C1S: variants seen among roughly 807,000 people sequenced by gnomAD.
C1S encodes the protein complement C1s subcomponent.
C1S carries 31 observed loss-of-function variants against 54.0 expected under a neutral mutation model. The observed-to-expected ratio is 0.57, with a 90% CI of 0.43 to 0.78. C1S has a LOEUF of 0.78. Among genes scored for constraint, C1S ranks in the 30% least tolerant of loss-of-function variants. The pLI, the probability that C1S is intolerant of heterozygous loss-of-function variation, is 0.00. For missense variants in C1S, 727 were observed against 851.8 expected (o/e 0.85, Z 1.82); for synonymous variants, 292 against 303.6 (o/e 0.96, Z 0.40).
intron 4 of C1S, chr12:7,064,048 C>A (rs782047200): frequency 1.6e-5 from 9 of 566,256 alleles, no homozygotes; most frequent in South Asian, 9.1e-5. Context: ...ACACACACAC[C>A]CCCGAGCTTC....
intron 6 of C1S, chr12:7,065,501 G>A (rs782613132): frequency 1.1e-4 from 73 of 663,430 alleles, no homozygotes; most frequent in South Asian, 9.0e-4. Flanking sequence ...GCCCACAGAC[G>A]TGTGTCATCA....
chr12:7,068,569 G>T, intron 11 of C1S, 39 bp downstream of exon 11: 1 of 1,375,884 alleles, frequency 7.3e-7, no homozygotes, highest in South Asian at 1.2e-5. Context: ...TGATAGCCAT[G>T]GGTGACTGGG....
In C1S at chr12:7,064,402, G is replaced by A. The variant is rs1438648112; in HGVS notation, c.517+10G>A. Reference sequence around the variant, plus strand: ...ATGAAGAATTGCGGAGGTGAGCTTGGTGTTAAGAGGGTTGCATGTTCCCTG... The same window carrying A: ...ATGAAGAATTGCGGAGGTGAGCTTGATGTTAAGAGGGTTGCATGTTCCCTG... On this transcript the variant is annotated intron_variant, in intron 5 of 11. Transcript: ENST00000360817. The A allele has an allele frequency of 1.2e-6, 2 of 1,614,004 alleles. No individual in the cohort carries two copies. The highest frequency in any genetic ancestry group is 1.7e-5 in the Admixed American group (1 of 60,010).
rs1937826945 is a variant in C1S, at chr12:7,070,573, G to A, written c.1989G>A (p.Gly663=). 6.2e-7 allele frequency: 1 copy of A among 1,614,080 alleles called. No homozygotes were observed. The highest frequency in any genetic ancestry group is 1.3e-5 in the African/African-American group (1 of 75,020). The change falls in exon 12 of 12, where the codon GGG becomes GGA. Residue 663 remains glycine, a synonymous_variant. Coordinates refer to ENST00000360817, the MANE Select transcript of C1S (RefSeq NM_001734.5). The surrounding 1 kb of genome is among the most constrained non-coding windows in gnomAD (Gnocchi z 4.9). ...VSWGPQCGTY[G]LYTRVKNYVD... ...GGGGGCCCCAGTGTGGGACCTATGG[G>A]CTCTACACACGGGTAAAGAACTATG...
At chr12:7,066,909 GC>G (rs1205943555) in intron 8 of C1S, 129 bp from the exon 9 acceptor site, 8 of 760,118 alleles carry the variant, frequency 1.1e-5, no homozygotes, top group Non-Finnish European at 1.9e-5. Context: ...CTTTAGGTCT[GC>G]TAAGATGTTC....
chr12:7,070,626 A>G lies in C1S; in HGVS notation c.2042A>G (p.Glu681Gly). The change falls in exon 12 of 12, where the codon GAA (glutamate) becomes GGA (glycine). Residue 681 changes from glutamate to glycine, a missense_variant. Transcript: ENST00000360817. The surrounding 1 kb of genome is among the most constrained non-coding windows in gnomAD (Gnocchi z 4.9). ...YVDWIMKTMQ[E>G]NSTPRED Reference sequence around the variant, plus strand: ...GACTGGATAATGAAGACTATGCAGGAAAATAGCACCCCCCGTGAGGACTAA... The same window carrying G: ...GACTGGATAATGAAGACTATGCAGGGAAATAGCACCCCCCGTGAGGACTAA... 6.2e-7 allele frequency: 1 copy of G among 1,614,046 alleles called. No homozygotes were observed. Among genetic ancestry groups the G allele is most frequent in the Non-Finnish European group, 8.5e-7 (1 of 1,179,990 alleles).
In C1S at chr12:7,064,355, G is replaced by T. The variant is rs782374131; in HGVS notation, c.480G>T (p.Pro160=). ...FIGGYFCSCP[P]EYFLHDDMKN... ...GTGGTTACTTCTGCTCCTGCCCCCC[G>T]GAATATTTCCTCCATGATGACATGA... The change falls in exon 5 of 12, where the codon CCG becomes CCT. Residue 160 remains proline, a synonymous_variant. Transcript: ENST00000360817. 6.2e-7 allele frequency: 1 copy of T among 1,613,782 alleles called. No individual in the cohort carries two copies. Among genetic ancestry groups the T allele is most frequent in the Non-Finnish European group, 8.5e-7 (1 of 1,179,980 alleles).
In C1S at chr12:7,062,936, G is replaced by A; in HGVS notation, c.260G>A (p.Ser87Asn). 6.2e-7 allele frequency: 1 copy of A among 1,614,092 alleles called. No individual in the cohort carries two copies. Among genetic ancestry groups the A allele is most frequent in the Non-Finnish European group, 8.5e-7 (1 of 1,179,992 alleles). Residue 87 changes from serine (S) to asparagine (N), a missense_variant, in exon 4 of 12, where the codon AGC becomes AAC. Physicochemically the swap from Ser to Asn is conservative, Grantham distance 46. Coordinates refer to ENST00000360817, the MANE Select transcript of C1S (RefSeq NM_001734.5). ...GAAGGGAGGCTCTGTGGACAGAGGA[G>A]CAGTAACAATCCCCACTCTCCAATT... is the stretch of plus-strand genomic sequence containing the variant. ...TEEGRLCGQR[S>N]SNNPHSPIVE... is the part of the protein sequence containing the mutation.
In C1S at chr12:7,065,934, C is replaced by CA. The variant is rs781818365; in HGVS notation, c.842dup (p.Trp283LeufsTer14). 3.1e-6 allele frequency: 5 copies of CA among 1,613,364 alleles called. No individual in the cohort carries two copies. The highest frequency in any genetic ancestry group is 3.4e-6 in the Non-Finnish European group (4 of 1,179,688). ...CATCTTCCAAACTGATCTAACAGGG[C>CA]AAAAAAAGGGCTGGAAACTTCGCTA... On this transcript the variant is annotated frameshift_variant, in exon 7 of 12. Transcript: ENST00000360817. LOFTEE classifies it high-confidence loss of function.
rs1317979824 is a variant in C1S, at chr12:7,062,926, G to A, written c.250G>A (p.Gly84Arg). The change falls in exon 4 of 12, where the codon GGA (glycine) becomes AGA (arginine). Residue 84 changes from glycine (G) to arginine (R), a missense_variant. This residue lies in a region of C1S where 357 missense variants were observed against 365.4 expected (regional missense o/e 0.98). Transcript: ENST00000360817. ...SGDTEEGRLCGQRSSNNPHSP... is the reference protein window; with the variant it reads ...SGDTEEGRLCRQRSSNNPHSP... ...AGACACTGAAGAAGGGAGGCTCTGT[G>A]GACAGAGGAGCAGTAACAATCCCCA... is the stretch of plus-strand genomic sequence containing the variant. The A allele has an allele frequency of 1.9e-6, 3 of 1,613,922 alleles. No homozygotes were observed. The highest frequency in any genetic ancestry group is 2.5e-6 in the Non-Finnish European group (3 of 1,179,998).
intron 2 of C1S, 27 bp from the exon 3 acceptor site, chr12:7,062,448 C>T (rs370703760): frequency 3.0e-5 from 48 of 1,589,116 alleles, no homozygotes; most frequent in East Asian, 1.3e-4. Context: ...CCTGGTCACC[C>T]GCCAATCTAT....
rs1222744666 is a variant in C1S at position 7,065,125 on chromosome 12, T to C, written c.543T>C (p.Thr181=). Residue 181 remains threonine (T), a synonymous_variant, in exon 6 of 12, where the codon ACT becomes ACC. Coordinates refer to ENST00000360817, the MANE Select transcript of C1S (RefSeq NM_001734.5). ...TTAATTGCAGTGGGGATGTATTCAC[T>C]GCACTGATTGGGGAGATTGCAAGTC... is the stretch of plus-strand genomic sequence containing the variant. ...CGVNCSGDVF[T]ALIGEIASPN... The C allele has an allele frequency of 6.2e-7, 1 of 1,613,954 alleles. No homozygotes were observed. The highest frequency in any genetic ancestry group is 1.3e-5 in the African/African-American group (1 of 74,912).
intron 1 of C1S, chr12:7,061,605 T>G: frequency 2.1e-6 from 1 of 466,384 alleles, no homozygotes; most frequent in African/African-American, 2.0e-5. Context: ...GGAGAAAAAT[T>G]AGGAGAAAGT....
At chr12:7,068,699 C>T (rs1555162718) in intron 11 of C1S, 169 bp downstream of exon 11, 2 of 619,930 alleles carry the variant, frequency 3.2e-6, no homozygotes, top group Non-Finnish European at 2.9e-6. Context: ...CCGTGGGGAA[C>T]CTCCTCAGCC....
intron 4 of C1S, 60 bp from the exon 5 acceptor site, chr12:7,064,207 A>G: frequency 6.3e-7 from 1 of 1,592,002 alleles, no homozygotes; most frequent in South Asian, 1.1e-5. Flanking sequence ...TTTTGGATTT[A>G]ACCTCATTCT....
chr12:7,069,708 ATTGAGATTG>A (rs1278720302), intron 11 of C1S, 138 bp from the exon 12 acceptor site: 8 of 765,246 alleles, frequency 1.0e-5, no homozygotes, highest in Non-Finnish European at 1.8e-5. Context: ...TGGGTCAGGT[ATTGAGATTG>A]TTGACCAAAT....
At chr12:7,068,830 G>C (rs1555162756) in intron 11 of C1S, 3 of 426,850 alleles carry the variant, frequency 7.0e-6, no homozygotes, top group Admixed American at 3.5e-5. Context: ...AAAGCTGAGA[G>C]TGTGTGAGTA....
chr12:7,063,938 A>T, intron 4 of C1S: 1 of 462,712 alleles, frequency 2.2e-6, no homozygotes, highest in Non-Finnish European at 4.3e-6. Context: ...TAGAGGCGTG[A>T]GACTTGTTTG....
At chr12:7,069,059 C>T (rs1281570167) in intron 11 of C1S, among the ~76,000 whole-genome samples, 1 of 152,178 alleles carries the variant, frequency 6.6e-6, no homozygotes, top group African/African-American at 2.4e-5. Context: ...GTCCGTATAA[C>T]AGCCCTGTGA....
Sources: gnomAD v4.1 joint callset for allele counts (sites outside exome capture counted in the v4.1 genomes callset) on GRCh38, gnomAD v4.1.1 for gene constraint, gnomAD v4.1.1 regional missense constraint, Gnocchi (gnomAD v3.1) non-coding constraint, MANE v1.5 for transcripts, NCBI Gene and HGNC (gene_info 2026-07-23, HGNC 2026-07-21) for gene names.